The following CELF4 variants were observed in gnomAD, a reference collection of about 807,000 sequenced individuals.
CELF4 encodes CUG-BP- and ETR-3-like factor 4.
CELF4 carries 18 observed loss-of-function variants against 59.9 expected under a neutral mutation model. That is an observed-to-expected ratio of 0.30 (90% CI 0.21 to 0.45). The LOEUF is 0.45. CELF4 is among the 20% of genes least tolerant of loss of function. The pLI, the probability that CELF4 is intolerant of heterozygous loss-of-function variation, is 1.00. For synonymous variants in CELF4, 261 were observed against 267.1 expected, an observed-to-expected ratio of 0.98 and a Z score of 0.22; for missense variants, 456 against 689.0, an observed-to-expected ratio of 0.66 and a Z score of 3.79.
chr18:37,471,094 C>A (rs2099825107), intron 2 of CELF4, among the ~76,000 whole-genome samples: 1 of 152,030 alleles, frequency 6.6e-6, no homozygotes, highest in Admixed American at 6.6e-5. Context: ...ATGCCCTCAC[C>A]AGCTTCAGGG....
intron 2 of CELF4, among the ~76,000 whole-genome samples, chr18:37,383,302 G>T (rs1163856052): frequency 6.6e-6 from 1 of 152,152 alleles, no homozygotes; most frequent in African/African-American, 2.4e-5. Context: ...GGGAGACGTG[G>T]GTGGTGCTGC....
At chr18:37,464,384 A>T (rs968545610) in intron 2 of CELF4, among the ~76,000 whole-genome samples, 2 of 152,104 alleles carry the variant, frequency 1.3e-5, no homozygotes, top group Non-Finnish European at 2.9e-5. Flanking sequence ...AGGGCTCTTA[A>T]AGACTCCCAT....
At chr18:37,564,368 T>C (rs116216661) in intron 1 of CELF4, among the ~76,000 whole-genome samples, 2,313 of 152,246 alleles carry the variant, frequency 0.015, 65 homozygotes, top group African/African-American at 0.052. Context: ...TTTGGGGCTC[T>C]GCTTTAAAGA....
At chr18:37,344,870 C>A (rs774499823) in intron 2 of CELF4, among the ~76,000 whole-genome samples, 9 of 152,178 alleles carry the variant, frequency 5.9e-5, no homozygotes, top group Non-Finnish European at 1.0e-4. Flanking sequence ...GGATTTCATC[C>A]CCCTAGAGAT....
chr18:37,263,591 C>T (rs73423173), intron 10 of CELF4, among the ~76,000 whole-genome samples: 5,165 of 152,072 alleles, frequency 0.034, 304 homozygotes, highest in African/African-American at 0.12. Flanking sequence ...GAGTCCCAGA[C>T]GGTGCGCCTG....
intron 1 of CELF4, among the ~76,000 whole-genome samples, chr18:37,538,147 G>A (rs774801702): frequency 6.6e-6 from 1 of 152,330 alleles, no homozygotes; most frequent in South Asian, 2.1e-4. Flanking sequence ...GTGGGAGGGC[G>A]GCCTCCTCAT....
chr18:37,332,231 C>T (rs2097569014), intron 2 of CELF4, among the ~76,000 whole-genome samples: 1 of 152,046 alleles, frequency 6.6e-6, no homozygotes, highest in Non-Finnish European at 1.5e-5. Context: ...GTAGAATGAC[C>T]CCTCACTCCA....
chr18:37,425,214 A>C (rs1460179689), intron 2 of CELF4, among the ~76,000 whole-genome samples: 1 of 152,250 alleles, frequency 6.6e-6, no homozygotes, highest in Non-Finnish European at 1.5e-5. Flanking sequence ...TGACTGGACA[A>C]ACGGATCATC....
chr18:37,244,951 GTT>G lies in CELF4; in HGVS notation c.*289_*290del, dbSNP rs919199515. ...TTTGTTTTAAAGTTGCCTTTTGTGT[GTT>G]TTTTTCTCATTTTTCTTCATCTTCT... On this transcript the variant is annotated 3_prime_UTR_variant, in exon 13 of 13. Coordinates refer to ENST00000420428, the MANE Select transcript of CELF4 (RefSeq NM_020180.4). The G allele has an allele frequency of 6.6e-6, 1 of 152,474 alleles. No homozygotes were observed. 9.4% of individuals were successfully genotyped at this position (152,474 alleles called of 1,614,324 possible).
At chr18:37,381,956 T>C (rs2099045480) in intron 2 of CELF4, among the ~76,000 whole-genome samples, 2 of 152,218 alleles carry the variant, frequency 1.3e-5, no homozygotes, top group South Asian at 2.1e-4. Flanking sequence ...GGGGCCTTCA[T>C]GTGCTCTAGG....
Position 37,423,103 on chromosome 18 carries a change from GACAGAC to G in CELF4, c.369+62416_369+62421del, listed in dbSNP as rs1222908910. Among the ~76,000 whole-genome samples, 3 of 133,510 alleles carry G rather than the reference GACAGAC, an allele frequency of 2.2e-5. No individual in the cohort carries two copies. The South Asian group carries it at 7.2e-4, about 32-fold the overall frequency. The allele number at this position is 133,510 out of a possible 152,430, so 87.6% of individuals were successfully genotyped here. A position where few individuals can be genotyped will look rare whatever the true frequency, so the allele number is the denominator to read the frequency against. ...ACACAGAGACAGAGAGAGAGAGAGA[GACAGAC>G]AGACAGACAGACAGAGAGAGTCAGA... is the stretch of plus-strand genomic sequence containing the variant. On this transcript the variant is annotated intron_variant, in intron 2 of 12. Transcript: ENST00000420428.
chr18:37,422,846 C>T (rs568547953), intron 2 of CELF4, among the ~76,000 whole-genome samples: 21 of 152,298 alleles, frequency 1.4e-4, no homozygotes, highest in East Asian at 1.4e-3. Context: ...AGTCATCCCT[C>T]GTCCTATTTC....
Position 37,321,871 on chromosome 18 carries a change from G to C in CELF4, c.380C>G (p.Pro127Arg). The C allele has an allele frequency of 6.2e-7, 1 of 1,613,154 alleles. No homozygotes were observed. Among genetic ancestry groups the C allele is most frequent in the Non-Finnish European group, 8.5e-7 (1 of 1,179,470 alleles). Residue 127 changes from proline to arginine, a missense_variant, in exon 3 of 13, where the codon CCG becomes CGG. By Grantham distance (103) the Pro-to-Arg change is moderately radical (BLOSUM62 -2). Around this residue, in one of 7 missense-constraint regions of CELF4, gnomAD observed 63 missense variants for 110.6 expected, o/e 0.57. Transcript: ENST00000420428. ...GCTGTCCGCAGGCTTCACCTGGATC[G>C]GCCGGTTCATCTGCAACAGAGCAGA... is the stretch of plus-strand genomic sequence containing the variant. ...EQKTLPGMNR[P>R]IQVKPADSES...
intron 2 of CELF4, among the ~76,000 whole-genome samples, chr18:37,447,495 G>T (rs886250832): frequency 6.6e-6 from 1 of 152,164 alleles, no homozygotes; most frequent in African/African-American, 2.4e-5. Context: ...CCATTGACCC[G>T]AACTGGGCCT....
chr18:37,273,468 T>C, intron 6 of CELF4: 1 of 1,084,664 alleles, frequency 9.2e-7, no homozygotes, highest in South Asian at 4.1e-5. Context: ...GTACAGCCTG[T>C]CATTCGTGGG....
At chr18:37,351,173 G>T (rs1359336550) in intron 2 of CELF4, among the ~76,000 whole-genome samples, 1 of 151,892 alleles carries the variant, frequency 6.6e-6, no homozygotes, top group Non-Finnish European at 1.5e-5. Context: ...GACAGCCGGA[G>T]ATCCTGGTGC....
At chr18:37,362,649 ACAGGC>A (rs1431458206) in intron 2 of CELF4, among the ~76,000 whole-genome samples, 2 of 146,046 alleles carry the variant, frequency 1.4e-5, no homozygotes, top group Non-Finnish European at 3.0e-5. Context: ...CCTAGCTCGA[ACAGGC>A]CACTGGGGCA....
At chr18:37,556,559 C>T (rs981790239) in intron 1 of CELF4, among the ~76,000 whole-genome samples, 2 of 152,144 alleles carry the variant, frequency 1.3e-5, no homozygotes, top group Non-Finnish European at 2.9e-5. Context: ...GTCACACAGA[C>T]CTCATTGCTG....
At chr18:37,500,169 C>T (rs974676044) in intron 1 of CELF4, among the ~76,000 whole-genome samples, 9 of 152,186 alleles carry the variant, frequency 5.9e-5, no homozygotes, top group African/African-American at 9.7e-5. Context: ...CAGATTCATG[C>T]GAGGAGGTGT....
Sources: gnomAD v4.1 joint callset for allele counts (sites outside exome capture counted in the v4.1 genomes callset) on GRCh38, gnomAD v4.1.1 for gene constraint, gnomAD v4.1.1 regional missense constraint, MANE v1.5 for transcripts, NCBI Gene and HGNC (gene_info 2026-07-23, HGNC 2026-07-21) for gene names.